Variants in DNAH12 observed in about 807,000 individuals in gnomAD.
The protein encoded by DNAH12 is dynein axonemal heavy chain 12.
In DNAH12, 285 loss-of-function variants were observed where a neutral mutation model predicts 371.5. That is an observed-to-expected ratio of 0.77 (90% CI 0.70 to 0.85). The LOEUF is 0.85. DNAH12 is among the 40% of genes least tolerant of loss of function. The pLI, the probability that DNAH12 is intolerant of heterozygous loss-of-function variation, is 0.00. For missense variants in DNAH12, 3,611 were observed against 3,689.4 expected, an observed-to-expected ratio of 0.98 and a Z score of 0.55; for synonymous variants, 1,200 against 1,213.0, an observed-to-expected ratio of 0.99 and a Z score of 0.22.
intron 11 of DNAH12, among the ~76,000 whole-genome samples, chr3:57,495,740 T>G (rs963150235): frequency 6.9e-6 from 1 of 144,766 alleles, no homozygotes; most frequent in African/African-American, 2.5e-5. Flanking sequence ...TATAAATATA[T>G]GAATATTTTT....
chr3:57,486,308 G>A (rs1045788122), intron 12 of DNAH12, among the ~76,000 whole-genome samples: 19 of 151,824 alleles, frequency 1.3e-4, no homozygotes, highest in African/African-American at 3.9e-4. Context: ...AGAGGCTCAC[G>A]CTTGTAAACC....
intron 43 of DNAH12, among the ~76,000 whole-genome samples, chr3:57,400,329 GTGT>G (rs1220226267): frequency 6.6e-6 from 1 of 152,076 alleles, no homozygotes; most frequent in Non-Finnish European, 1.5e-5. Context: ...TTGGGGGTTG[GTGT>G]TGTTTAAGGG....
In DNAH12 at chr3:57,387,114, G is replaced by A. The variant is rs1247078346; in HGVS notation, c.7411C>T (p.His2471Tyr). ...TCTGAAAGATCCATAATGGAGGTGT[G>A]AAAGTGTTTACAGATTGGAACTATC... ...QEIVPICKHFHTSIMDLSERF... is the reference protein window; with the variant it reads ...QEIVPICKHFYTSIMDLSERF... Residue 2471 changes from histidine to tyrosine, a missense_variant, in exon 46 of 74, where the codon CAC (histidine) becomes TAC (tyrosine). His to Tyr is a moderately conservative substitution (Grantham distance 83). Around this residue, in one of 3 missense-constraint regions of DNAH12, gnomAD observed 2,266 missense variants for 2,236.9 expected, o/e 1.01. Coordinates refer to ENST00000495027, the MANE Select transcript of DNAH12 (RefSeq NM_001366028.2). The A allele has an allele frequency of 3.3e-5, 5 of 152,164 alleles. No homozygotes were observed. The highest frequency in any genetic ancestry group is 1.3e-4 in the Admixed American group (2 of 15,262). 9.4% of individuals were successfully genotyped at this position (152,164 alleles called of 1,614,324 possible). A position where few individuals can be genotyped will look rare whatever the true frequency, so the allele number is the denominator to read the frequency against.
At chr3:57,365,312 C>A (rs998802217) in intron 57 of DNAH12, among the ~76,000 whole-genome samples, 1 of 152,168 alleles carries the variant, frequency 6.6e-6, no homozygotes, top group Non-Finnish European at 1.5e-5. Flanking sequence ...TTTGCAGAGA[C>A]ATGGATGGAG....
intron 41 of DNAH12, 116 bp from the exon 42 acceptor site, chr3:57,405,263 T>G: frequency 1.2e-6 from 1 of 846,782 alleles, no homozygotes; most frequent in Non-Finnish European, 1.8e-6. Flanking sequence ...AACATTAGGG[T>G]AGTAAAAAAT....
the DNAH12 span, among the ~76,000 whole-genome samples, chr3:57,552,779 T>C: frequency 6.6e-6 from 1 of 151,830 alleles, no homozygotes; most frequent in Non-Finnish European, 1.5e-5. Flanking sequence ...TTGGGTGTAG[T>C]TGCGTGTACC....
chr3:57,483,344 C>A (rs1019790134), intron 13 of DNAH12, 32 bp downstream of exon 13: 9 of 1,536,876 alleles, frequency 5.9e-6, no homozygotes, highest in Non-Finnish European at 7.9e-6. Context: ...ACAATGAAAA[C>A]AAACCAAAAT....
intron 1 of DNAH12, among the ~76,000 whole-genome samples, chr3:57,543,865 G>T (rs1040729000): frequency 6.6e-6 from 1 of 151,764 alleles, no homozygotes; most frequent in Admixed American, 6.6e-5. Flanking sequence ...TGGCCAACAT[G>T]GTGAAACCCC....
At position 57,323,044 on chromosome 3, in the gene DNAH12, G is replaced by A. The variant is rs1393742424; in HGVS notation, c.10346C>T (p.Ser3449Phe). ...ATAGCTTGTCAGCCAAAGCCTAAAGGATGAGTTACAGGTTTCAGAGGTAAA... is the reference window on the plus strand; with the variant it reads ...ATAGCTTGTCAGCCAAAGCCTAAAGAATGAGTTACAGGTTTCAGAGGTAAA... ...EDFTSETCNS[S>F]FRLWLTSYPS... Residue 3449 changes from serine (S) to phenylalanine (F), a missense_variant, in exon 64 of 74, where the codon TCC becomes TTC. By Grantham distance (155) the Ser-to-Phe change is radical. Around this residue, in one of 3 missense-constraint regions of DNAH12, gnomAD observed 2,266 missense variants for 2,236.9 expected, o/e 1.01. Transcript: ENST00000495027. 3 of 1,552,252 alleles carry A rather than the reference G, an allele frequency of 1.9e-6. No individual in the cohort carries two copies. The South Asian group carries it at 3.6e-5, about 18-fold the overall frequency.
intron 66 of DNAH12, 68 bp from the exon 67 acceptor site, chr3:57,311,018 G>GTATC: frequency 2.7e-6 from 3 of 1,091,036 alleles, no homozygotes; most frequent in Non-Finnish European, 4.0e-6. Flanking sequence ...TTTTAAGTAT[G>GTATC]TATCTATCTA....
intron 59 of DNAH12, among the ~76,000 whole-genome samples, chr3:57,353,154 C>A (rs1034056514): frequency 6.7e-6 from 1 of 148,370 alleles, no homozygotes; most frequent in Non-Finnish European, 1.5e-5. Flanking sequence ...GTGGAGTTGA[C>A]TGATACTCTT....
chr3:57,422,605 C>G (rs2064627435), intron 35 of DNAH12, among the ~76,000 whole-genome samples: 1 of 152,258 alleles, frequency 6.6e-6, no homozygotes, highest in Non-Finnish European at 1.5e-5. Flanking sequence ...GAATTTGAGA[C>G]CAGCCTGGGC....
At chr3:57,388,546 CAATA>C (rs1433255438) in intron 45 of DNAH12, among the ~76,000 whole-genome samples, 1 of 85,834 alleles carries the variant, frequency 1.2e-5, no homozygotes, top group Middle Eastern at 4.5e-3. Flanking sequence ...CCAATTGTAC[CAATA>C]TATATTTTAA....
At chr3:57,380,533 G>A (rs2063366603) in intron 50 of DNAH12, among the ~76,000 whole-genome samples, 166 bp from the exon 51 acceptor site, 1 of 152,278 alleles carries the variant, frequency 6.6e-6, no homozygotes, top group African/African-American at 2.4e-5. Context: ...GAGTACTGTG[G>A]TGCAATATCG....
chr3:57,295,626 T>G (rs1400581843), intron 72 of DNAH12, 34 bp from the exon 73 acceptor site: 5 of 1,508,664 alleles, frequency 3.3e-6, no homozygotes, highest in Non-Finnish European at 4.5e-6. Context: ...TTATTAGAAA[T>G]AACATGAAAT....
At chr3:57,552,002 TG>T in the DNAH12 span, among the ~76,000 whole-genome samples, 1 of 150,698 alleles carries the variant, frequency 6.6e-6, no homozygotes, top group African/African-American at 2.4e-5. Flanking sequence ...CCCAGCACTT[TG>T]GGAGGCTGAG....
Position 57,415,488 on chromosome 3 carries a change from T to A in DNAH12, c.5791A>T (p.Lys1931Ter). 1 of 1,551,286 alleles carries A rather than the reference T, an allele frequency of 6.4e-7. No homozygotes were observed. Among genetic ancestry groups the A allele is most frequent in the Non-Finnish European group, 8.7e-7 (1 of 1,146,932 alleles). ...ATATAAAAAGGAAAGTACTGGTCCT[T>A]TTCCAAGTGATTCATTAGCTTATCC... is the stretch of plus-strand genomic sequence containing the variant. ...VKDKLMNHLE[K>*]DQYFPFYINL... Residue 1931 changes from lysine (K) to a stop codon, truncating the protein, a stop_gained, in exon 38 of 74, where the codon AAG becomes TAG. Coordinates refer to ENST00000495027, the MANE Select transcript of DNAH12 (RefSeq NM_001366028.2). LOFTEE classifies it high-confidence loss of function.
chr3:57,297,681 C>G (rs1343833355), intron 70 of DNAH12, among the ~76,000 whole-genome samples: 1 of 152,068 alleles, frequency 6.6e-6, no homozygotes, highest in Non-Finnish European at 1.5e-5. Flanking sequence ...CTCTTAAACC[C>G]CTTGTCTCTG....
chr3:57,312,585 C>G (rs2061603927), intron 66 of DNAH12, among the ~76,000 whole-genome samples: 1 of 152,184 alleles, frequency 6.6e-6, no homozygotes, highest in Admixed American at 6.5e-5. Context: ...ACGGATCCAG[C>G]CAATGCTGGC....
Sources: gnomAD v4.1 joint callset for allele counts (sites outside exome capture counted in the v4.1 genomes callset) on GRCh38, gnomAD v4.1.1 for gene constraint, gnomAD v4.1.1 regional missense constraint, MANE v1.5 for transcripts, NCBI Gene and HGNC (gene_info 2026-07-23, HGNC 2026-07-21) for gene names.